The following UNC13A variants were observed in gnomAD, a reference collection of about 807,000 sequenced individuals.
UNC13A encodes the protein unc-13 homolog A, also known as protein unc-13 homolog A.
Under a neutral mutation model 219.7 loss-of-function variants are expected in UNC13A, and 61 were observed. The ratio of observed to expected loss-of-function variants is 0.28; its 90% CI spans 0.23 to 0.34. The LOEUF (loss-of-function observed/expected upper bound fraction) is 0.34. Among genes scored for constraint, UNC13A ranks in the 10% least tolerant of loss-of-function variants. The probability of loss-of-function intolerance (pLI) is 1.00; values close to 1 mark genes in which losing one functional copy is unlikely to be tolerated. For missense variants in UNC13A, 1,476 were observed against 2,270.3 expected, an observed-to-expected ratio of 0.65 and a Z score of 7.11; for synonymous variants, 920 against 884.6, an observed-to-expected ratio of 1.04 and a Z score of -0.71.
chr19:17,623,578 G>T, intron 35 of UNC13A, 31 bp from the exon 36 acceptor site: 2 of 1,192,188 alleles, frequency 1.7e-6, no homozygotes, highest in East Asian at 5.8e-5. Flanking sequence ...GGGGCGGTGG[G>T]GGAGGGGGGA....
chr19:17,681,201 C>G (rs1449284541), intron 1 of UNC13A, among the ~76,000 whole-genome samples: 1 of 151,182 alleles, frequency 6.6e-6, no homozygotes, highest in Non-Finnish European at 1.5e-5. Context: ...CTGACTGACC[C>G]TGGATTCTAA....
intron 8 of UNC13A, among the ~76,000 whole-genome samples, chr19:17,662,142 C>G (rs2079561166): frequency 6.6e-6 from 1 of 151,880 alleles, no homozygotes; most frequent in Non-Finnish European, 1.5e-5. Context: ...ACTTGGGAGG[C>G]TCAGGTACGA....
rs1256815213 is a variant in UNC13A at position 17,643,443 on chromosome 19, C to T, written c.2357-483G>A. ...CAAGCAATTGTCTTGCCTCAGCCTCCCGAGTAGCTGGGATTACAGGCATGT... is the reference window on the plus strand; with the variant it reads ...CAAGCAATTGTCTTGCCTCAGCCTCTCGAGTAGCTGGGATTACAGGCATGT... On this transcript the variant is annotated intron_variant, in intron 19 of 43. Transcript: ENST00000519716. Among the ~76,000 whole-genome samples, 4 of 152,012 alleles carry T rather than the reference C, an allele frequency of 2.6e-5. No individual in the cohort carries two copies. The East Asian group carries it at 7.7e-4, about 29-fold the overall frequency.
At chr19:17,652,767 C>T in intron 11 of UNC13A, 90 bp from the exon 12 acceptor site, 13 of 1,469,358 alleles carry the variant, frequency 8.8e-6, no homozygotes, top group Non-Finnish European at 1.0e-5. Context: ...CCCCTCTGGG[C>T]TGGGAGTCAG....
At chr19:17,646,275 G>GTTTGTTTT (rs2077025585) in intron 17 of UNC13A, among the ~76,000 whole-genome samples, 164 bp from the exon 18 acceptor site, 2 of 151,790 alleles carry the variant, frequency 1.3e-5, no homozygotes, top group South Asian at 4.2e-4. Context: ...TTGTGTGTTT[G>GTTTGTTTT]TTTGTTTGTT....
At chr19:17,618,061 C>T (rs1283681546) in intron 40 of UNC13A, among the ~76,000 whole-genome samples, 1 of 152,174 alleles carries the variant, frequency 6.6e-6, no homozygotes, top group Non-Finnish European at 1.5e-5. Flanking sequence ...ACCTTGGGCT[C>T]GCCCAGCCCC....
chr19:17,635,305 C>G (rs2076902462), intron 26 of UNC13A, among the ~76,000 whole-genome samples: 1 of 152,140 alleles, frequency 6.6e-6, no homozygotes, highest in South Asian at 2.1e-4. Context: ...CTGACCCCAT[C>G]TGTTTATTAA....
intron 35 of UNC13A, 108 bp from the exon 36 acceptor site, chr19:17,623,655 A>C: frequency 3.7e-6 from 2 of 544,314 alleles, no homozygotes; most frequent in South Asian, 2.8e-5. Context: ...GAGGGGCAAG[A>C]CCCCTGCCCC....
chr19:17,627,718 C>G lies in UNC13A; in HGVS notation c.3832-121G>C, dbSNP rs73524097. ...CTGCAGGGGAAACTGAGGCACAGAC[C>G]GTTATGCTGCAAGCCTGGGTTTAAG... On this transcript the variant is annotated intron_variant, in intron 32 of 43. Transcript: ENST00000519716. The surrounding 1 kb of genome is among the most constrained non-coding windows in gnomAD (Gnocchi z 4.7). The G allele has an allele frequency of 8.9e-6, 11 of 1,242,850 alleles. No individual in the cohort carries two copies. In the African/African-American group the frequency reaches 1.5e-4, roughly 17 times the overall value. 77.0% of individuals were successfully genotyped at this position (1,242,850 alleles called of 1,614,324 possible).
At chr19:17,662,645 G>A (rs1373955779) in intron 8 of UNC13A, among the ~76,000 whole-genome samples, 8 of 152,124 alleles carry the variant, frequency 5.3e-5, no homozygotes, top group Non-Finnish European at 1.2e-4. Flanking sequence ...TTAGGGCCAG[G>A]TGCCATGGCT....
At chr19:17,680,117 T>G (rs1599418306) in intron 1 of UNC13A, among the ~76,000 whole-genome samples, 2 of 59,474 alleles carry the variant, frequency 3.4e-5, no homozygotes, top group African/African-American at 1.4e-4. Context: ...GTGTTCGCGG[T>G]GAGGGAGGGG....
intron 31 of UNC13A, 51 bp downstream of exon 31, chr19:17,629,189 A>T: frequency 1.3e-6 from 2 of 1,498,404 alleles, no homozygotes; most frequent in African/African-American, 1.4e-5. Flanking sequence ...AGTCCTGGGG[A>T]TGCTGAATGG....
intron 19 of UNC13A, among the ~76,000 whole-genome samples, chr19:17,644,287 CA>C (rs1390501005): frequency 6.6e-6 from 1 of 151,694 alleles, no homozygotes; most frequent in Non-Finnish European, 1.5e-5. Context: ...CTCCCAGGTA[CA>C]AATGATGCTT....
intron 36 of UNC13A, 177 bp downstream of exon 36, chr19:17,623,365 C>T (rs957472664): frequency 6.5e-5 from 35 of 539,222 alleles, no homozygotes; most frequent in African/African-American, 4.8e-4. Context: ...TCCCTCCCAG[C>T]CCCGCCCCCT....
intron 3 of UNC13A, among the ~76,000 whole-genome samples, chr19:17,673,484 A>C (rs993222336): frequency 6.6e-6 from 1 of 150,788 alleles, no homozygotes; most frequent in Non-Finnish European, 1.5e-5. Flanking sequence ...CCTGAGGTTA[A>C]AAGTTCAAGA....
At position 17,629,272 on chromosome 19, in the gene UNC13A, C is replaced by T. The variant is rs1385374269; in HGVS notation, c.3721G>A (p.Ala1241Thr). 6.2e-7 allele frequency: 1 copy of T among 1,612,072 alleles called. No homozygotes were observed. The change falls in exon 31 of 44, where the codon GCC becomes ACC. Residue 1241 changes from alanine to threonine, a missense_variant. This residue lies in a region of UNC13A where 218 missense variants were observed against 409.4 expected (regional missense o/e 0.53). Coordinates refer to ENST00000519716, the MANE Select transcript of UNC13A (RefSeq NM_001080421.3). ...TCCTTCTCCTTGGAGCAGTAGGAGG[C>T]AAAGTCCTTGGAGATGATGTCTGCA... is the stretch of plus-strand genomic sequence containing the variant. ...QYADIISKDF[A>T]SYCSKEKEKV...
At chr19:17,618,048 C>CGAA (rs2076686991) in intron 40 of UNC13A, among the ~76,000 whole-genome samples, 199 bp from the exon 41 acceptor site, 1 of 152,208 alleles carries the variant, frequency 6.6e-6, no homozygotes, top group African/African-American at 2.4e-5. Flanking sequence ...CCTGGCTTCT[C>CGAA]CCACCTTGGG....
Position 17,605,989 on chromosome 19 carries a change from A to AG in UNC13A, c.*64dup. 2 of 1,357,434 alleles carry AG rather than the reference A, an allele frequency of 1.5e-6. No individual in the cohort carries two copies. Among genetic ancestry groups the AG allele is most frequent in the Non-Finnish European group, 1.9e-6 (2 of 1,053,330 alleles). 84.1% of individuals were successfully genotyped at this position (1,357,434 alleles called of 1,614,324 possible). On this transcript the variant is annotated 3_prime_UTR_variant, in exon 44 of 44. Coordinates refer to ENST00000519716, the MANE Select transcript of UNC13A (RefSeq NM_001080421.3). ...CCTGGGGAGGTCCCACCAAGGCGCA[A>AG]GCCCCGTCCCTCCCCGCCCAGCGCC...
chr19:17,669,354 G>A (rs1382009878), intron 5 of UNC13A, among the ~76,000 whole-genome samples, 199 bp downstream of exon 5: 1 of 152,162 alleles, frequency 6.6e-6, no homozygotes, highest in African/African-American at 2.4e-5. Flanking sequence ...CGGGGCCCAG[G>A]TCATGGCCCG....
Sources: allele counts gnomAD v4.1 joint callset (sites outside exome capture counted in the v4.1 genomes callset), GRCh38; gene constraint gnomAD v4.1.1; regional missense constraint gnomAD v4.1.1; non-coding constraint Gnocchi (gnomAD v3.1); transcripts MANE v1.5; gene names NCBI Gene and HGNC (gene_info 2026-07-23, HGNC 2026-07-21).